The following NDUFAF7 variants were observed in gnomAD, a reference collection of about 807,000 sequenced individuals.
NDUFAF7 encodes the protein protein arginine methyltransferase NDUFAF7, mitochondrial.
In NDUFAF7, 48 loss-of-function variants were observed where a neutral mutation model predicts 47.2. The ratio of observed to expected loss-of-function variants is 1.02; its 90% confidence interval spans 0.81 to 1.29. The LOEUF (loss-of-function observed/expected upper bound fraction) is 1.29, where lower values mean the gene tolerates loss of function less well. NDUFAF7 is among the 50% of genes most tolerant of loss of function. The probability of loss-of-function intolerance (pLI) is 0.00; values close to 1 mark genes in which losing one functional copy is unlikely to be tolerated. For missense variants in NDUFAF7, 635 were observed against 537.6 expected (o/e 1.18, Z -1.79); for synonymous variants, 217 against 190.0 (o/e 1.14, Z -1.17).
intron 6 of NDUFAF7, among the ~76,000 whole-genome samples, chr2:37,243,524 A>C (rs891537282): frequency 1.3e-5 from 2 of 152,162 alleles, no homozygotes; most frequent in African/African-American, 4.8e-5. Context: ...ATGTATATGT[A>C]CTGGTAATTT....
chr2:37,253,314 T>A, downstream of NDUFAF7: 1 of 1,612,356 alleles, frequency 6.2e-7, no homozygotes, highest in Non-Finnish European at 8.5e-7. Context: ...CCAATGCGAG[T>A]TTCAAATTCT....
chr2:37,259,807 T>C, the NDUFAF7 span: 22 of 654,830 alleles, frequency 3.4e-5, no homozygotes, highest in Admixed American at 5.6e-4. Context: ...AAGTGTGTTA[T>C]TCTGCTCCTT....
In NDUFAF7 at chr2:37,248,524, C is replaced by G. The variant is rs997462482; in HGVS notation, c.*174C>G. Reference sequence around the variant, plus strand: ...ATAGAACTTTTAGGGTTGTGACTGGCTTTGGTGCAAATGTGTGCTCAAGCT... The same window carrying G: ...ATAGAACTTTTAGGGTTGTGACTGGGTTTGGTGCAAATGTGTGCTCAAGCT... On this transcript the variant is annotated 3_prime_UTR_variant, in exon 10 of 10. Transcript: ENST00000002125. 2.9e-6 allele frequency: 2 copies of G among 687,422 alleles called. No individual in the cohort carries two copies. The highest frequency in any genetic ancestry group is 2.5e-6 in the Non-Finnish European group (1 of 392,770). The allele number at this position is 687,422 out of a possible 1,614,324, so 42.6% of individuals were successfully genotyped here. A position where few individuals can be genotyped will look rare whatever the true frequency, so the allele number is the denominator to read the frequency against.
At chr2:37,259,556 T>C in the NDUFAF7 span, 1 of 1,548,902 alleles carries the variant, frequency 6.5e-7, no homozygotes, top group Non-Finnish European at 8.9e-7. Flanking sequence ...GCCAGAATCA[T>C]TTAAAAGGTT....
At chr2:37,235,080 C>A (rs1029103398) in intron 2 of NDUFAF7, among the ~76,000 whole-genome samples, 3 of 152,060 alleles carry the variant, frequency 2.0e-5, no homozygotes, top group Non-Finnish European at 2.9e-5. Context: ...AGAACAGAGA[C>A]AAATTAGCTC....
chr2:37,256,295 G>A (rs1667929800), downstream of NDUFAF7, among the ~76,000 whole-genome samples: 1 of 152,224 alleles, frequency 6.6e-6, no homozygotes, highest in South Asian at 2.1e-4. Context: ...GGTGGTTAAA[G>A]AGAAGTGTTT....
At position 37,248,943 on chromosome 2, in the gene NDUFAF7, T is replaced by A. The variant is rs1383230376; in HGVS notation, c.*593T>A. On this transcript the variant is annotated 3_prime_UTR_variant, in exon 10 of 10. Transcript: ENST00000002125. ...AAAAAAAGTAAACATGGGCACTGAT[T>A]GTTTTAATAAAAATGGGAAACAGAC... 1 of 155,230 alleles carries A rather than the reference T, an allele frequency of 6.4e-6. No individual in the cohort carries two copies. The highest frequency in any genetic ancestry group is 2.4e-5 in the African/African-American group (1 of 41,444). 9.6% of individuals were successfully genotyped at this position (155,230 alleles called of 1,614,324 possible).
At chr2:37,260,406 C>T in the NDUFAF7 span, 14 of 1,591,176 alleles carry the variant, frequency 8.8e-6, no homozygotes, top group African/African-American at 1.3e-4. Context: ...TTGCAAGATA[C>T]ATGAGCAACT....
chr2:37,269,507 A>C, the NDUFAF7 span: 1 of 923,148 alleles, frequency 1.1e-6, no homozygotes, highest in Non-Finnish European at 1.7e-6. Context: ...GCCTTTAAAA[A>C]AAAGGCACTG....
In NDUFAF7 at chr2:37,243,972, A is replaced by G. The variant is rs1446241629; in HGVS notation, c.791A>G (p.Gln264Arg). Residue 264 changes from glutamine to arginine, a missense_variant and splice_region_variant, in exon 7 of 10, where the codon CAA becomes CGA. Transcript: ENST00000002125. Reference protein sequence around the residue: ...PSATPAEAFIQHDETRDHVEV... With the variant: ...PSATPAEAFIRHDETRDHVEV... ...GCCACCCCAGCAGAAGCCTTCATAC[A>G]AGTAAGAATATGCTTTTTTAAGTTT... 6.2e-7 allele frequency: 1 copy of G among 1,601,970 alleles called. No homozygotes were observed. Among genetic ancestry groups the G allele is most frequent in the South Asian group, 1.1e-5 (1 of 90,700 alleles).
At chr2:37,242,838 T>G (rs1016177709) in intron 6 of NDUFAF7, 145 bp downstream of exon 6, 18 of 616,318 alleles carry the variant, frequency 2.9e-5, no homozygotes, top group Admixed American at 9.6e-5. Context: ...CACAAATAAT[T>G]CAAAAGCAAA....
downstream of NDUFAF7, among the ~76,000 whole-genome samples, chr2:37,255,568 G>A (rs890615489): frequency 5.9e-5 from 9 of 152,162 alleles, no homozygotes; most frequent in Non-Finnish European, 7.3e-5. Flanking sequence ...AGGTCCACAG[G>A]AGAGAGGAAA....
downstream of NDUFAF7, chr2:37,256,586 T>G (rs536296020): frequency 1.4e-5 from 20 of 1,411,204 alleles, no homozygotes; most frequent in East Asian, 1.5e-4. Flanking sequence ...ACAGACTGAT[T>G]TGGGATGAGA....
the NDUFAF7 span, chr2:37,267,330 TC>T: frequency 2.6e-6 from 2 of 770,146 alleles, no homozygotes; most frequent in African/African-American, 1.8e-5. Context: ...ATTACCATAA[TC>T]TAATTTTGCC....
At chr2:37,258,966 T>C in the NDUFAF7 span, among the ~76,000 whole-genome samples, 5 of 152,106 alleles carry the variant, frequency 3.3e-5, no homozygotes, top group Non-Finnish European at 7.4e-5. Flanking sequence ...CCACCACTTA[T>C]TTCTCAGGAT....
intron 4 of NDUFAF7, among the ~76,000 whole-genome samples, chr2:37,238,218 T>G (rs1051091287): frequency 8.6e-5 from 13 of 151,530 alleles, no homozygotes; most frequent in African/African-American, 3.2e-4. Flanking sequence ...GATCACAAGG[T>G]CAGGAGTTCG....
chr2:37,262,815 T>C, the NDUFAF7 span, among the ~76,000 whole-genome samples: 3 of 152,214 alleles, frequency 2.0e-5, no homozygotes, highest in African/African-American at 7.2e-5. Context: ...TAGTAAGTTA[T>C]ACTTTCATTG....
intron 3 of NDUFAF7, 44 bp from the exon 4 acceptor site, chr2:37,237,713 C>T (rs1665939486): frequency 1.0e-5 from 14 of 1,396,488 alleles, no homozygotes; most frequent in Non-Finnish European, 1.4e-5. Context: ...TACTTTTATA[C>T]TTTATAATAC....
chr2:37,253,346 T>C, downstream of NDUFAF7: 4 of 1,610,226 alleles, frequency 2.5e-6, no homozygotes, highest in Non-Finnish European at 3.4e-6. Context: ...CCAAGTCTGA[T>C]AGTCCTAGGA....
Sources: allele counts gnomAD v4.1 joint callset (sites outside exome capture counted in the v4.1 genomes callset), GRCh38; gene constraint gnomAD v4.1.1; transcripts MANE v1.5; gene names NCBI Gene and HGNC (gene_info 2026-07-23, HGNC 2026-07-21).